LDLRAD4: variants seen among roughly 807,000 people sequenced by gnomAD.
LDLRAD4 encodes the protein low density lipoprotein receptor class A domain containing 4.
In LDLRAD4, 5 loss-of-function variants were observed where a neutral mutation model predicts 17.0. That is an observed-to-expected ratio of 0.29 (90% CI 0.15 to 0.62). LDLRAD4 has a LOEUF of 0.62. Among genes scored for constraint, LDLRAD4 ranks in the 20% least tolerant of loss-of-function variants. The pLI is 0.84. For missense variants in LDLRAD4, 340 were observed against 424.7 expected (o/e 0.80, Z 1.75); for synonymous variants, 168 against 171.8 (o/e 0.98, Z 0.17).
At chr18:13,563,632 A>G (rs951392053) in intron 3 of LDLRAD4, among the ~76,000 whole-genome samples, 3 of 152,226 alleles carry the variant, frequency 2.0e-5, no homozygotes, top group African/African-American at 7.2e-5. Context: ...TGGTCACGAC[A>G]TTAATGCGTC....
chr18:13,249,774 T>C (rs1196042188), intron 1 of LDLRAD4, among the ~76,000 whole-genome samples: 1 of 152,236 alleles, frequency 6.6e-6, no homozygotes, highest in African/African-American at 2.4e-5. Flanking sequence ...TTGATTATTT[T>C]TGCTTTTGTT....
intron 1 of LDLRAD4, among the ~76,000 whole-genome samples, chr18:13,351,176 G>A (rs922002495): frequency 1.3e-5 from 2 of 152,182 alleles, no homozygotes; most frequent in Admixed American, 1.3e-4. Flanking sequence ...GAATGTCAAA[G>A]GTAGTTTGAT....
chr18:13,263,781 A>G (rs142398801), intron 1 of LDLRAD4, among the ~76,000 whole-genome samples: 51 of 152,244 alleles, frequency 3.3e-4, no homozygotes, highest in African/African-American at 1.2e-3. Flanking sequence ...TGTTATGGTT[A>G]AAGTGAGGGA....
chr18:13,220,125 T>C (rs1418565780), intron 1 of LDLRAD4, among the ~76,000 whole-genome samples: 3 of 152,244 alleles, frequency 2.0e-5, no homozygotes, highest in African/African-American at 7.2e-5. Context: ...TAAGCAGTGC[T>C]TTTTAAAACA....
chr18:13,219,019 G>A (rs1205055191), intron 1 of LDLRAD4, 31 bp downstream of exon 1: 1 of 152,034 alleles, frequency 6.6e-6, no homozygotes, highest in African/African-American at 2.4e-5. Flanking sequence ...CAGTGGGTTC[G>A]GTTTAGGTTA....
intron 3 of LDLRAD4, among the ~76,000 whole-genome samples, chr18:13,476,204 G>C (rs189829972): frequency 1.3e-5 from 2 of 152,326 alleles, no homozygotes; most frequent in Admixed American, 1.3e-4. Context: ...GTCACGTTCA[G>C]GGGTCACATC....
rs552280644 is a variant in LDLRAD4 at position 13,612,414 on chromosome 18, T to C, written c.182-8703T>C. Reference sequence around the variant, plus strand: ...GGCCGGCTTCCTGCCGCAGAGCTCCTGGTTTCTGTTGATGGCAGTTGATAA... The same window carrying C: ...GGCCGGCTTCCTGCCGCAGAGCTCCCGGTTTCTGTTGATGGCAGTTGATAA... On this transcript the variant is annotated intron_variant, in intron 3 of 5. Coordinates refer to ENST00000359446, the Ensembl canonical transcript of LDLRAD4. 5 of 1,234,216 alleles carry C rather than the reference T, an allele frequency of 4.1e-6. No individual in the cohort carries two copies. In the East Asian group the frequency reaches 1.9e-4, roughly 47 times the overall value. The allele number at this position is 1,234,216 out of a possible 1,614,324, so 76.5% of individuals were successfully genotyped here.
At chr18:13,510,834 G>T (rs561813853) in intron 3 of LDLRAD4, among the ~76,000 whole-genome samples, 48 of 152,318 alleles carry the variant, frequency 3.2e-4, no homozygotes, top group African/African-American at 1.1e-3. Flanking sequence ...ACTACCTGGG[G>T]CAGAGGGAGA....
chr18:13,266,962 G>A (rs2044255197), intron 1 of LDLRAD4, among the ~76,000 whole-genome samples: 2 of 152,196 alleles, frequency 1.3e-5, no homozygotes, highest in African/African-American at 2.4e-5. Context: ...CCTTTCATGT[G>A]GAATCTCTTT....
At chr18:13,497,470 G>A (rs886164615) in intron 3 of LDLRAD4, among the ~76,000 whole-genome samples, 10 of 151,740 alleles carry the variant, frequency 6.6e-5, no homozygotes, top group Non-Finnish European at 1.2e-4. Context: ...TGAGCCACTG[G>A]GCCTGGCAAA....
intron 3 of LDLRAD4, among the ~76,000 whole-genome samples, chr18:13,452,729 T>A (rs941541119): frequency 6.6e-6 from 1 of 152,198 alleles, no homozygotes; most frequent in African/African-American, 2.4e-5. Context: ...CTCTCCACAA[T>A]TCCACCAGGT....
chr18:13,306,250 G>A lies in LDLRAD4; in HGVS notation c.-383+28062G>A, dbSNP rs538625972. Reference sequence around the variant, plus strand: ...ATGCAGTTGGGTTTATGAACAGGACGGCCCCTGAGCCTTGAAGGAAAAAGG... The same window carrying A: ...ATGCAGTTGGGTTTATGAACAGGACAGCCCCTGAGCCTTGAAGGAAAAAGG... On this transcript the variant is annotated intron_variant, in intron 1 of 5. Coordinates refer to ENST00000359446, the Ensembl canonical transcript of LDLRAD4. 1.1e-4 allele frequency among the ~76,000 whole-genome samples: 16 copies of A among 152,274 alleles called. No individual in the cohort carries two copies. The East Asian group carries it at 2.9e-3, about 28-fold the overall frequency.
At chr18:13,532,917 C>A (rs2147845229) in intron 3 of LDLRAD4, among the ~76,000 whole-genome samples, 1 of 152,270 alleles carries the variant, frequency 6.6e-6, no homozygotes, top group South Asian at 2.1e-4. Context: ...GTGGAAGGAG[C>A]CCTTGGTCAG....
intron 3 of LDLRAD4, among the ~76,000 whole-genome samples, chr18:13,610,056 C>T (rs1326471207): frequency 6.6e-6 from 1 of 152,028 alleles, no homozygotes; most frequent in Non-Finnish European, 1.5e-5. Flanking sequence ...TAGCCAAACA[C>T]AGTAAGTGTG....
At chr18:13,425,529 G>A (rs1030527085) in intron 2 of LDLRAD4, among the ~76,000 whole-genome samples, 2 of 152,210 alleles carry the variant, frequency 1.3e-5, no homozygotes. Flanking sequence ...CCTCCAGGAA[G>A]GTGGAGGAAT....
chr18:13,393,823 T>C (rs1301655548), intron 2 of LDLRAD4, among the ~76,000 whole-genome samples: 1 of 152,212 alleles, frequency 6.6e-6, no homozygotes, highest in East Asian at 1.9e-4. Flanking sequence ...CCAAAGTTCC[T>C]GACACAGTGA....
At chr18:13,554,553 C>A (rs2148122287) in intron 3 of LDLRAD4, among the ~76,000 whole-genome samples, 1 of 152,138 alleles carries the variant, frequency 6.6e-6, no homozygotes, top group Middle Eastern at 3.4e-3. Flanking sequence ...CCCTGGCTCT[C>A]CGTATGAATA....
intron 1 of LDLRAD4, among the ~76,000 whole-genome samples, chr18:13,308,402 G>GCACGT: frequency 6.6e-6 from 1 of 152,286 alleles, no homozygotes; most frequent in East Asian, 1.9e-4. Context: ...TCTCAAACAT[G>GCACGT]CACGTGTACC....
chr18:13,233,438 C>T (rs1176190237), intron 1 of LDLRAD4, among the ~76,000 whole-genome samples: 1 of 152,194 alleles, frequency 6.6e-6, no homozygotes, highest in African/African-American at 2.4e-5. Flanking sequence ...GAAGCCGGCA[C>T]CCTCTTATTG....
Sources: allele counts gnomAD v4.1 joint callset (sites outside exome capture counted in the v4.1 genomes callset), GRCh38; gene constraint gnomAD v4.1.1; transcripts MANE v1.5; gene names NCBI Gene and HGNC (gene_info 2026-07-23, HGNC 2026-07-21).